NRG1: variants seen among roughly 807,000 people sequenced by gnomAD.
NRG1 encodes the protein pro-neuregulin-1, membrane-bound isoform.
In NRG1, 18 loss-of-function variants were observed where a neutral mutation model predicts 63.8. The observed-to-expected ratio is 0.28, with a 90% CI of 0.19 to 0.42. The LOEUF (loss-of-function observed/expected upper bound fraction) is 0.42. Ranked by LOEUF, NRG1 falls within the 10% of genes least tolerant of loss-of-function variation. The pLI is 1.00. For missense variants in NRG1, 762 were observed against 814.7 expected, an observed-to-expected ratio of 0.94 and a Z score of 0.79; for synonymous variants, 302 against 301.3, an observed-to-expected ratio of 1.00 and a Z score of -0.02.
intron 5 of NRG1, among the ~76,000 whole-genome samples, chr8:32,662,338 A>ACTTAAGCCAATGG (rs1222523532): frequency 6.6e-6 from 1 of 152,208 alleles, no homozygotes; most frequent in African/African-American, 2.4e-5. Context: ...AGTGTAGTCA[A>ACTTAAGCCAATGG]CTTAAGCCAA....
chr8:31,792,323 T>C (rs1262340779), intron 1 of NRG1, among the ~76,000 whole-genome samples: 1 of 152,224 alleles, frequency 6.6e-6, no homozygotes, highest in Non-Finnish European at 1.5e-5. Flanking sequence ...AATTTTGTTA[T>C]TTTCTAGTCC....
At chr8:32,687,227 C>T (rs1810390704) in intron 5 of NRG1, among the ~76,000 whole-genome samples, 1 of 152,238 alleles carries the variant, frequency 6.6e-6, no homozygotes, top group East Asian at 1.9e-4. Context: ...ATTATCCCTT[C>T]CTCAATAAAG....
intron 5 of NRG1, among the ~76,000 whole-genome samples, chr8:32,643,213 G>C (rs1852767082): frequency 6.6e-6 from 1 of 152,144 alleles, no homozygotes. Flanking sequence ...CAGATTAATT[G>C]TGGCTGCAAA....
intron 1 of NRG1, among the ~76,000 whole-genome samples, chr8:32,594,062 A>AT (rs1296161508): frequency 1.3e-5 from 2 of 151,998 alleles, no homozygotes; most frequent in African/African-American, 4.8e-5. Context: ...CATTCAAATG[A>AT]TTTTTTTCTG....
At chr8:31,916,873 C>T (rs919325699) in intron 1 of NRG1, among the ~76,000 whole-genome samples, 6 of 151,478 alleles carry the variant, frequency 4.0e-5, no homozygotes, top group African/African-American at 1.5e-4. Context: ...CCTGTTCTTT[C>T]CTGACTTTTT....
intron 1 of NRG1, among the ~76,000 whole-genome samples, chr8:32,222,032 C>CTT (rs1845865477): frequency 8.0e-6 from 1 of 125,724 alleles, no homozygotes; most frequent in African/African-American, 3.4e-5. Context: ...TGGAAACATA[C>CTT]ATACACACAC....
At chr8:31,781,785 T>C (rs1238382074) in intron 1 of NRG1, among the ~76,000 whole-genome samples, 1 of 152,064 alleles carries the variant, frequency 6.6e-6, no homozygotes, top group African/African-American at 2.4e-5. Flanking sequence ...CAGAATCTGG[T>C]TTTTGCCAGC....
intron 1 of NRG1, among the ~76,000 whole-genome samples, chr8:32,500,831 G>T (rs961863710): frequency 1.3e-5 from 2 of 152,122 alleles, no homozygotes; most frequent in Non-Finnish European, 1.5e-5. Flanking sequence ...AATCAAAAAG[G>T]CCATAAAAAT....
intron 1 of NRG1, among the ~76,000 whole-genome samples, chr8:32,502,030 C>A (rs761263174): frequency 6.6e-6 from 1 of 152,162 alleles, no homozygotes; most frequent in Non-Finnish European, 1.5e-5. Flanking sequence ...TGCATCAATA[C>A]ACTACTGTAT....
intron 1 of NRG1, among the ~76,000 whole-genome samples, chr8:32,229,408 G>A (rs2132567239): frequency 6.6e-6 from 1 of 152,256 alleles, no homozygotes; most frequent in East Asian, 1.9e-4. Flanking sequence ...ATGAACGAGT[G>A]AACAACATCA....
intron 1 of NRG1, among the ~76,000 whole-genome samples, chr8:31,653,143 A>G (rs988007888): frequency 2.6e-5 from 4 of 151,092 alleles, no homozygotes; most frequent in African/African-American, 9.7e-5. Context: ...GGGTATTGGG[A>G]TTATTGATCT....
At chr8:32,326,268 A>C (rs1802003070) in intron 1 of NRG1, among the ~76,000 whole-genome samples, 1 of 150,394 alleles carries the variant, frequency 6.6e-6, no homozygotes, top group African/African-American at 2.4e-5. Flanking sequence ...TTGGTCTCCC[A>C]AAGTGCTGAG....
chr8:32,191,383 A>G (rs546355057), intron 1 of NRG1, among the ~76,000 whole-genome samples: 2 of 152,090 alleles, frequency 1.3e-5, no homozygotes, highest in Non-Finnish European at 2.9e-5. Context: ...CCTGGCCCAA[A>G]GTTATTAGAT....
At chr8:32,219,903 C>T (rs1416311129) in intron 1 of NRG1, among the ~76,000 whole-genome samples, 2 of 152,158 alleles carry the variant, frequency 1.3e-5, no homozygotes, top group Non-Finnish European at 2.9e-5. Context: ...CAAATCTGAG[C>T]TTTGCCACTT....
intron 1 of NRG1, among the ~76,000 whole-genome samples, chr8:32,390,168 C>T (rs1002050552): frequency 2.0e-5 from 3 of 152,276 alleles, no homozygotes; most frequent in African/African-American, 7.2e-5. Flanking sequence ...GCCATGTTCT[C>T]CTGGGGTCTC....
At chr8:32,119,390 T>C (rs1295101780) in intron 1 of NRG1, among the ~76,000 whole-genome samples, 1 of 152,286 alleles carries the variant, frequency 6.6e-6, no homozygotes, top group Non-Finnish European at 1.5e-5. Context: ...ACAGTTGCAA[T>C]GCCTTTCCAG....
chr8:31,707,577 C>T (rs1488649667), intron 1 of NRG1, among the ~76,000 whole-genome samples: 2 of 151,948 alleles, frequency 1.3e-5, no homozygotes, highest in South Asian at 2.1e-4. Flanking sequence ...AATTAAATTG[C>T]TGTCTTTATG....
In NRG1 at chr8:32,573,974, A is replaced by G. The variant is rs527269921; in HGVS notation, c.101-21854A>G. Among the ~76,000 whole-genome samples the G allele has an allele frequency of 7.5e-3, 1,142 of 152,258 alleles. 10 individuals are homozygous for G. Among genetic ancestry groups the G allele is most frequent in the African/African-American group, 0.025 (1,052 of 41,532 alleles). On this transcript the variant is annotated intron_variant, in intron 1 of 11. Transcript: ENST00000356819. ...AGCTTCATCCATGTCCCTACAAAGG[A>G]CATGAACTCATCATTTTTTATGGCT...
At chr8:32,506,867 G>A (rs1828595251) in intron 1 of NRG1, among the ~76,000 whole-genome samples, 1 of 152,038 alleles carries the variant, frequency 6.6e-6, no homozygotes, top group Admixed American at 6.6e-5. Context: ...GCAACAGAGT[G>A]AGACCCTGCC....
Sources: gnomAD v4.1 joint callset for allele counts (sites outside exome capture counted in the v4.1 genomes callset) on GRCh38, gnomAD v4.1.1 for gene constraint, MANE v1.5 for transcripts, NCBI Gene and HGNC (gene_info 2026-07-23, HGNC 2026-07-21) for gene names.